CNDP2: variants seen among roughly 807,000 people sequenced by gnomAD.
The protein encoded by CNDP2 is cytosolic non-specific dipeptidase.
A neutral mutation model predicts 55.0 loss-of-function variants in CNDP2; 38 were observed. The ratio of observed to expected loss-of-function variants is 0.69; its 90% CI spans 0.53 to 0.90. The LOEUF (loss-of-function observed/expected upper bound fraction) is 0.90, where lower values mean the gene tolerates loss of function less well. CNDP2 is among the 40% of genes least tolerant of loss of function. CNDP2 has a pLI of 0.00. For synonymous variants in CNDP2, 241 were observed against 260.2 expected, an observed-to-expected ratio of 0.93 and a Z score of 0.71; for missense variants, 607 against 621.7, an observed-to-expected ratio of 0.98 and a Z score of 0.25.
chr18:74,510,532 C>T (rs1979285433), intron 5 of CNDP2, among the ~76,000 whole-genome samples: 1 of 152,180 alleles, frequency 6.6e-6, no homozygotes, highest in Non-Finnish European at 1.5e-5. Context: ...CGTGTCGTGG[C>T]CCTTATTGCA....
intron 1 of CNDP2, chr18:74,499,293 G>A (rs1453086368): frequency 6.6e-6 from 1 of 152,406 alleles, no homozygotes; most frequent in African/African-American, 2.4e-5. Context: ...CTCTATCTGT[G>A]AGTGGGGCGG....
chr18:74,500,469 C>T lies in CNDP2; in HGVS notation c.60+436C>T, dbSNP rs902727854. Reference sequence around the variant, plus strand: ...ATACTTTAGAAAATTTGGCCATTGTCGGGATGATAAATAAGCTAATTTGGA... The same window carrying T: ...ATACTTTAGAAAATTTGGCCATTGTTGGGATGATAAATAAGCTAATTTGGA... On this transcript the variant is annotated intron_variant, in intron 2 of 11. Coordinates refer to ENST00000324262, the MANE Select transcript of CNDP2 (RefSeq NM_018235.3). Among the ~76,000 whole-genome samples the T allele has an allele frequency of 2.0e-4, 30 of 152,254 alleles. No individual in the cohort carries two copies. The South Asian group carries it at 2.3e-3, about 12-fold the overall frequency.
intron 1 of CNDP2, chr18:74,497,564 C>T (rs561110846): frequency 6.6e-6 from 1 of 152,272 alleles, no homozygotes; most frequent in East Asian, 1.9e-4. Flanking sequence ...GCGGACAGAT[C>T]GCTTGAGTCC....
Position 74,506,072 on chromosome 18 carries a change from C to T in CNDP2, c.367+61C>T, listed in dbSNP as rs1297714705. On this transcript the variant is annotated intron_variant, in intron 4 of 11. Transcript: ENST00000324262. ...GGCACTGACTTTTGGAAAGTCATTG[C>T]TAGTCCGTTTTTCTGTTTCCAGTAC... The T allele has an allele frequency of 2.7e-6, 4 of 1,456,828 alleles. No individual in the cohort carries two copies. The South Asian group carries it at 6.0e-5, about 22-fold the overall frequency. 90.2% of individuals were successfully genotyped at this position (1,456,828 alleles called of 1,614,324 possible).
chr18:74,516,473 G>T, intron 9 of CNDP2, 81 bp downstream of exon 9: 1 of 1,376,222 alleles, frequency 7.3e-7, no homozygotes, highest in South Asian at 1.5e-5. Flanking sequence ...GCTGTTACTC[G>T]ACAGACACCC....
Position 74,514,239 on chromosome 18 carries a change from G to T in CNDP2, c.903+520G>T, listed in dbSNP as rs551677094. ...TGTGGTACAGATGTGAGTTCTGCGG[G>T]CTATAGATTTATGTGGTATGGATGT... On this transcript the variant is annotated intron_variant, in intron 8 of 11. Transcript: ENST00000324262. 2.0e-4 allele frequency among the ~76,000 whole-genome samples: 31 copies of T among 152,264 alleles called. No individual in the cohort carries two copies. The South Asian group carries it at 6.4e-3, about 32-fold the overall frequency.
rs1980020850 is a variant in CNDP2, at chr18:74,521,111, A to G, written c.*1043A>G. ...TTGTACTCCTAAATAAAAAGTAAAC[A>G]TGACACCTCTAAAAGAATCGCTCCA... On this transcript the variant is annotated 3_prime_UTR_variant, in exon 12 of 12. Transcript: ENST00000324262. 1 of 152,206 alleles carries G rather than the reference A, an allele frequency of 6.6e-6. No individual in the cohort carries two copies. The highest frequency in any genetic ancestry group is 1.5e-5 in the Non-Finnish European group (1 of 68,030). 9.4% of individuals were successfully genotyped at this position (152,206 alleles called of 1,614,324 possible).
In CNDP2 at chr18:74,499,168, G is replaced by A. The variant is rs558277466; in HGVS notation, c.-92-714G>A. ...GTCCCCGCAGTTTTGAATTTGCTCC[G>A]TACAGCTGTGTGCTTTCTGCTGCGG... is the stretch of plus-strand genomic sequence containing the variant. On this transcript the variant is annotated intron_variant, in intron 1 of 11. Transcript: ENST00000324262. 2.1e-4 allele frequency among the ~76,000 whole-genome samples: 32 copies of A among 152,298 alleles called. No homozygotes were observed. The East Asian group carries it at 3.7e-3, about 17-fold the overall frequency.
Position 74,518,278 on chromosome 18 carries a change from A to G in CNDP2, c.1069-221A>G. The G allele has an allele frequency of 6.9e-6, 3 of 433,522 alleles. No individual in the cohort carries two copies. The South Asian group carries it at 1.1e-4, about 16-fold the overall frequency. The allele number at this position is 433,522 out of a possible 1,614,324, so 26.9% of individuals were successfully genotyped here. ...CTCCATCTCAGAAAAAATAAAAAAT[A>G]AAAAAAGAAGTCTCCTCTTTCCTTA... On this transcript the variant is annotated intron_variant, in intron 9 of 11. Coordinates refer to ENST00000324262, the MANE Select transcript of CNDP2 (RefSeq NM_018235.3).
intron 9 of CNDP2, chr18:74,517,636 G>A (rs1979759996): frequency 6.6e-6 from 1 of 152,068 alleles, no homozygotes; most frequent in African/African-American, 2.4e-5. Context: ...TGTCTTCAAA[G>A]CATCTTTCCT....
rs3794954 is a variant in CNDP2 at position 74,507,917 on chromosome 18, A to T, written c.368-923A>T. Reference sequence around the variant, plus strand: ...GTTGTTCAGTGTTTGTTGTAGGGATAAGGATTGTTGTTTTAGAAAAGCTTA... The same window carrying T: ...GTTGTTCAGTGTTTGTTGTAGGGATTAGGATTGTTGTTTTAGAAAAGCTTA... On this transcript the variant is annotated intron_variant, in intron 4 of 11. Coordinates refer to ENST00000324262, the MANE Select transcript of CNDP2 (RefSeq NM_018235.3). 4 of 152,190 alleles carry T rather than the reference A, an allele frequency of 2.6e-5. No homozygotes were observed. In the East Asian group the frequency reaches 5.8e-4, roughly 22 times the overall value. 9.4% of individuals were successfully genotyped at this position (152,190 alleles called of 1,614,324 possible).
rs955203141 is a variant in CNDP2 at position 74,523,131 on chromosome 18, G to A, written c.*3063G>A. ...CATGATCAGATAAATGCCTAAGTGG[G>A]GTGGCATGGACATTTGCACACGTCC... is the stretch of plus-strand genomic sequence containing the variant. On this transcript the variant is annotated 3_prime_UTR_variant, in exon 12 of 12. Transcript: ENST00000324262. 2 of 152,194 alleles carry A rather than the reference G, an allele frequency of 1.3e-5. No homozygotes were observed. Among genetic ancestry groups the A allele is most frequent in the African/African-American group, 2.4e-5 (1 of 41,430 alleles). 9.4% of individuals were successfully genotyped at this position (152,194 alleles called of 1,614,324 possible).
intron 6 of CNDP2, 26 bp downstream of exon 6, chr18:74,511,039 C>T (rs1251642107): frequency 6.3e-7 from 1 of 1,592,798 alleles, no homozygotes; most frequent in South Asian, 1.1e-5. Flanking sequence ...GTACGGGTCA[C>T]TTCTTTCTAA....
chr18:74,518,677 C>T (rs373097966), intron 10 of CNDP2, 37 bp downstream of exon 10: 16 of 1,612,730 alleles, frequency 9.9e-6, no homozygotes, highest in Middle Eastern at 3.7e-4. Flanking sequence ...CCGCGCAGGG[C>T]CCTTCGCACG....
rs1980043301 is a variant in CNDP2 at position 74,521,467 on chromosome 18, G to T, written c.*1399G>T. ...CTTGAAGTGGTTGGTTCCAGGGCTGGGCAGGGAAGATGCAAGATGAGTCTG... is the reference window on the plus strand; with the variant it reads ...CTTGAAGTGGTTGGTTCCAGGGCTGTGCAGGGAAGATGCAAGATGAGTCTG... On this transcript the variant is annotated 3_prime_UTR_variant, in exon 12 of 12. Coordinates refer to ENST00000324262, the MANE Select transcript of CNDP2 (RefSeq NM_018235.3). 6.6e-6 allele frequency: 1 copy of T among 152,312 alleles called. No homozygotes were observed. Among genetic ancestry groups the T allele is most frequent in the African/African-American group, 2.4e-5 (1 of 41,462 alleles). The allele number at this position is 152,312 out of a possible 1,614,324, so 9.4% of individuals were successfully genotyped here.
intron 11 of CNDP2, among the ~76,000 whole-genome samples, chr18:74,519,470 C>T (rs1470108576): frequency 6.6e-6 from 1 of 152,194 alleles, no homozygotes; most frequent in East Asian, 1.9e-4. Flanking sequence ...CTTCCCACAA[C>T]GGGGCGGGTG....
At position 74,523,272 on chromosome 18, in the gene CNDP2, T is replaced by C. The variant is rs1167356603; in HGVS notation, c.*3204T>C. ...TGACTAACGGCTGGTTCTGTGAACT[T>C]GAGCCTCAGCGTCCTGTGTCAGAAG... On this transcript the variant is annotated 3_prime_UTR_variant, in exon 12 of 12. Transcript: ENST00000324262. 2.0e-5 allele frequency: 3 copies of C among 152,230 alleles called. No homozygotes were observed. The highest frequency in any genetic ancestry group is 4.4e-5 in the Non-Finnish European group (3 of 68,042). The allele number at this position is 152,230 out of a possible 1,614,324, so 9.4% of individuals were successfully genotyped here.
intron 11 of CNDP2, 56 bp from the exon 12 acceptor site, chr18:74,519,943 A>T (rs1357037908): frequency 6.5e-7 from 1 of 1,538,784 alleles, no homozygotes; most frequent in Non-Finnish European, 8.9e-7. Context: ...GTCACCCCAC[A>T]CCTGGGTGTT....
chr18:74,514,716 G>T (rs571539670), intron 8 of CNDP2, among the ~76,000 whole-genome samples: 1 of 152,066 alleles, frequency 6.6e-6, no homozygotes, highest in African/African-American at 2.4e-5. Context: ...TGTAAGTTCC[G>T]CAGGCTGTGG....
Sources: allele counts gnomAD v4.1 joint callset (sites outside exome capture counted in the v4.1 genomes callset), GRCh38; gene constraint gnomAD v4.1.1; transcripts MANE v1.5; gene names NCBI Gene and HGNC (gene_info 2026-07-23, HGNC 2026-07-21).